MMRN1: variants seen among roughly 807,000 people sequenced by gnomAD.
The protein encoded by MMRN1 is multimerin-1.
In MMRN1, 94 loss-of-function variants were observed where a neutral mutation model predicts 100.7. The observed-to-expected ratio is 0.93, with a 90% confidence interval of 0.79 to 1.11. The LOEUF is 1.11. MMRN1 is among the 50% of genes least tolerant of loss of function. The probability of loss-of-function intolerance (pLI) is 0.00; values close to 1 mark genes in which losing one functional copy is unlikely to be tolerated. For missense variants in MMRN1, 1,606 were observed against 1,439.1 expected, an observed-to-expected ratio of 1.12 and a Z score of -1.88; for synonymous variants, 575 against 505.0, an observed-to-expected ratio of 1.14 and a Z score of -1.86.
intron 1 of MMRN1, among the ~76,000 whole-genome samples, chr4:89,886,182 T>G (rs1204647701): frequency 6.6e-6 from 1 of 151,778 alleles, no homozygotes; most frequent in Non-Finnish European, 1.5e-5. Context: ...TGAACCACTG[T>G]GCCTGGCCCC....
At chr4:89,912,221 A>G (rs9307077) in intron 3 of MMRN1, among the ~76,000 whole-genome samples, 171 bp downstream of exon 3, 91,293 of 150,964 alleles carry the variant, frequency 0.6, 28,074 homozygotes, top group East Asian at 0.77. Flanking sequence ...ACACTCTGAA[A>G]TCTCATAAGC....
chr4:89,951,309 T>G (rs575209540), intron 6 of MMRN1: 6 of 246,538 alleles, frequency 2.4e-5, no homozygotes, highest in African/African-American at 1.1e-4. Flanking sequence ...ATATACATGA[T>G]TTGTATTGAG....
intron 6 of MMRN1, among the ~76,000 whole-genome samples, chr4:89,950,585 A>G (rs1158536587): frequency 6.6e-6 from 1 of 152,092 alleles, no homozygotes; most frequent in Non-Finnish European, 1.5e-5. Flanking sequence ...CTGAATTAGT[A>G]ATGAGGTTGC....
intron 3 of MMRN1, among the ~76,000 whole-genome samples, chr4:89,915,496 G>C (rs994765336): frequency 4.6e-5 from 7 of 151,544 alleles, no homozygotes; most frequent in African/African-American, 1.2e-4. Context: ...GAGTGAGAGA[G>C]AGCAAACATC....
chr4:89,918,643 T>C (rs1721994878), intron 3 of MMRN1, among the ~76,000 whole-genome samples: 1 of 151,950 alleles, frequency 6.6e-6, no homozygotes, highest in African/African-American at 2.4e-5. Context: ...AAGTGTTTAC[T>C]TGATAACACA....
rs1042171782 is a variant in MMRN1 at position 89,883,945 on chromosome 4, A to C, written c.-249+4343A>C. 1.2e-4 allele frequency among the ~76,000 whole-genome samples: 19 copies of C among 152,036 alleles called. 1 individual carries two copies. Among genetic ancestry groups the C allele is most frequent in the Non-Finnish European group, 2.2e-4 (15 of 67,984 alleles). On this transcript the variant is annotated intron_variant, in intron 1 of 8. Transcript: ENST00000394980. ...TGGAGTGGGTTCAAGGTAAAGGTTC[A>C]TTTTTTTAAATTCACGTATTTGTTC...
chr4:89,951,448 G>A (rs1419312701), intron 6 of MMRN1, 157 bp from the exon 7 acceptor site: 2 of 603,804 alleles, frequency 3.3e-6, no homozygotes, highest in East Asian at 3.4e-5. Flanking sequence ...TTTGCATGAC[G>A]TCCTGTGCCC....
chr4:89,908,784 C>T (rs572094380), intron 1 of MMRN1, among the ~76,000 whole-genome samples: 15 of 151,296 alleles, frequency 9.9e-5, no homozygotes, highest in African/African-American at 1.7e-4. Flanking sequence ...TTATAATAAT[C>T]GGCATCTAGA....
At chr4:89,951,526 T>A in intron 6 of MMRN1, 79 bp from the exon 7 acceptor site, 1 of 1,379,658 alleles carries the variant, frequency 7.2e-7, no homozygotes, top group East Asian at 2.7e-5. Flanking sequence ...TTTCCTATTC[T>A]GCTGCAAACT....
At chr4:89,901,536 A>T (rs941899725) in intron 1 of MMRN1, among the ~76,000 whole-genome samples, 2 of 152,064 alleles carry the variant, frequency 1.3e-5, no homozygotes, top group African/African-American at 4.8e-5. Flanking sequence ...GATCAGCTAA[A>T]TTCTTGTGTT....
chr4:89,944,105 G>A (rs1722916419), intron 6 of MMRN1, among the ~76,000 whole-genome samples: 1 of 152,030 alleles, frequency 6.6e-6, no homozygotes, highest in African/African-American at 2.4e-5. Context: ...AAGCTATTTT[G>A]AATGTGAAAG....
At chr4:89,909,189 A>C in intron 1 of MMRN1, 87 bp from the exon 2 acceptor site, 3 of 1,424,188 alleles carry the variant, frequency 2.1e-6, no homozygotes, top group Non-Finnish European at 2.9e-6. Flanking sequence ...TATGGCAAAA[A>C]TAAATGTTTG....
intron 1 of MMRN1, among the ~76,000 whole-genome samples, chr4:89,901,136 A>G (rs1186004066): frequency 1.3e-5 from 2 of 149,380 alleles, no homozygotes; most frequent in East Asian, 2.0e-4. Context: ...AGCCAACTCA[A>G]TTAAGGAGGG....
In MMRN1 at chr4:89,895,579, A is replaced by G; in HGVS notation, c.608A>G (p.Glu203Gly). 1.2e-6 allele frequency: 2 copies of G among 1,613,384 alleles called. No homozygotes were observed. The highest frequency in any genetic ancestry group is 2.2e-5 in the South Asian group (2 of 91,044). Residue 203 changes from glutamate (E) to glycine (G), a missense_variant, in exon 1 of 8, where the codon GAA becomes GGA. By Grantham distance (98) the Glu-to-Gly change is moderately conservative. Coordinates refer to ENST00000264790, the MANE Select transcript of MMRN1 (RefSeq NM_007351.3). ...QRTDYQKSNF[E>G]TTRGKNWCAY... ...ACTGACTACCAAAAATCAAATTTCGAAACAACTAGAGGAAAGTAAGAAATC... is the reference window on the plus strand; with the variant it reads ...ACTGACTACCAAAAATCAAATTTCGGAACAACTAGAGGAAAGTAAGAAATC...
chr4:89,914,681 C>G (rs1721858846), intron 3 of MMRN1, among the ~76,000 whole-genome samples: 1 of 151,326 alleles, frequency 6.6e-6, no homozygotes, highest in African/African-American at 2.4e-5. Context: ...AGGGTTTTGC[C>G]TTTAGAAAGG....
At chr4:89,898,248 A>G (rs1462055072) in intron 1 of MMRN1, among the ~76,000 whole-genome samples, 1 of 152,086 alleles carries the variant, frequency 6.6e-6, no homozygotes, top group Non-Finnish European at 1.5e-5. Flanking sequence ...CTAGTACTCT[A>G]CTATTGTCAG....
intron 3 of MMRN1, among the ~76,000 whole-genome samples, chr4:89,919,990 C>G (rs555904053): frequency 5.3e-4 from 80 of 152,104 alleles, no homozygotes; most frequent in Non-Finnish European, 1.0e-3. Flanking sequence ...AATCTATGCA[C>G]TGCCTGACAT....
At chr4:89,883,543 C>T (rs1720867877) in intron 1 of MMRN1, among the ~76,000 whole-genome samples, 1 of 151,950 alleles carries the variant, frequency 6.6e-6, no homozygotes, top group Non-Finnish European at 1.5e-5. Flanking sequence ...GTGTATCTTC[C>T]TTTGTGATGT....
At position 89,949,304 on chromosome 4, in the gene MMRN1, G is replaced by C. The variant is rs1723086300; in HGVS notation, c.3119-2301G>C. Among the ~76,000 whole-genome samples, 3 of 152,176 alleles carry C rather than the reference G, an allele frequency of 2.0e-5. 1 individual carries two copies. Among genetic ancestry groups the C allele is most frequent in the Admixed American group, 2.0e-4 (3 of 15,272 alleles). On this transcript the variant is annotated intron_variant, in intron 6 of 7. Coordinates refer to ENST00000264790, the MANE Select transcript of MMRN1 (RefSeq NM_007351.3). Reference sequence around the variant, plus strand: ...TATATTTGGGAAAATTAAAATTATAGAGCTGATCAAATTACATAAATAAGT... The same window carrying C: ...TATATTTGGGAAAATTAAAATTATACAGCTGATCAAATTACATAAATAAGT...
Sources: gnomAD v4.1 joint callset for allele counts (sites outside exome capture counted in the v4.1 genomes callset) on GRCh38, gnomAD v4.1.1 for gene constraint, MANE v1.5 for transcripts, NCBI Gene and HGNC (gene_info 2026-07-23, HGNC 2026-07-21) for gene names.